EPB41L2: variants seen among roughly 807,000 people sequenced by gnomAD.
EPB41L2 encodes band 4.1-like protein 2.
Under a neutral mutation model 113.0 loss-of-function variants are expected in EPB41L2, and 43 were observed. The observed-to-expected ratio is 0.38, with a 90% CI of 0.30 to 0.49. The LOEUF (loss-of-function observed/expected upper bound fraction) is 0.49, where lower values mean the gene tolerates loss of function less well. Ranked by LOEUF, EPB41L2 falls within the 20% of genes least tolerant of loss-of-function variation. The pLI is 0.95. For missense variants in EPB41L2, 1,147 were observed against 1,223.4 expected (o/e 0.94, Z 0.93); for synonymous variants, 442 against 436.7 (o/e 1.01, Z -0.15).
At chr6:130,886,519 C>G (rs1023919059) in intron 11 of EPB41L2, among the ~76,000 whole-genome samples, 2 of 152,166 alleles carry the variant, frequency 1.3e-5, no homozygotes. Context: ...TGGAGATTTT[C>G]CCAGCCCTTA....
At chr6:130,944,822 AG>A (rs1812243431) in intron 3 of EPB41L2, among the ~76,000 whole-genome samples, 1 of 152,114 alleles carries the variant, frequency 6.6e-6, no homozygotes, top group African/African-American at 2.4e-5. Context: ...TGGAGGAGGG[AG>A]GGGGGCCGAG....
chr6:130,885,321 T>C, intron 11 of EPB41L2, 53 bp from the exon 12 acceptor site: 1 of 1,582,526 alleles, frequency 6.3e-7, no homozygotes, highest in Non-Finnish European at 8.7e-7. Context: ...ATCATAAACT[T>C]TATGGAAAAT....
In EPB41L2 at chr6:130,899,471, C is replaced by T. The variant is rs1317463166; in HGVS notation, c.1236+20G>A. 4 of 1,601,666 alleles carry T rather than the reference C, an allele frequency of 2.5e-6. No homozygotes were observed. The highest frequency in any genetic ancestry group is 1.3e-5 in the African/African-American group (1 of 74,634). On this transcript the variant is annotated intron_variant, in intron 8 of 19. Transcript: ENST00000337057. Reference sequence around the variant, plus strand: ...GTCAACAGACTACTATGATGCTACTCCCCGTTACATTTACAGTACCTTGGC... The same window carrying T: ...GTCAACAGACTACTATGATGCTACTTCCCGTTACATTTACAGTACCTTGGC...
chr6:130,871,598 C>T (rs577579245), intron 14 of EPB41L2, among the ~76,000 whole-genome samples: 238 of 152,288 alleles, frequency 1.6e-3, no homozygotes, highest in African/African-American at 4.0e-3. Flanking sequence ...CTCACAAACT[C>T]TCTTGGACCT....
chr6:130,960,044 A>G (rs940644736), intron 1 of EPB41L2, among the ~76,000 whole-genome samples: 4 of 152,248 alleles, frequency 2.6e-5, no homozygotes, highest in Admixed American at 1.3e-4. Context: ...ACTGTCTGAC[A>G]CAGTGCCCAT....
intron 19 of EPB41L2, among the ~76,000 whole-genome samples, 179 bp downstream of exon 19, chr6:130,857,952 A>G (rs1780799094): frequency 6.6e-6 from 1 of 152,202 alleles, no homozygotes; most frequent in Non-Finnish European, 1.5e-5. Context: ...CCACATGACC[A>G]TCAGTTCACA....
At chr6:131,026,740 C>T (rs1252795527) in intron 1 of EPB41L2, among the ~76,000 whole-genome samples, 1 of 152,126 alleles carries the variant, frequency 6.6e-6, no homozygotes, top group Admixed American at 6.6e-5. Context: ...CATACCACAC[C>T]TTAACAGCTA....
intron 3 of EPB41L2, among the ~76,000 whole-genome samples, chr6:130,936,181 G>A (rs1183653304): frequency 6.6e-6 from 1 of 152,132 alleles, no homozygotes; most frequent in Non-Finnish European, 1.5e-5. Context: ...TAGCTTATGA[G>A]GAAGAATTAT....
intron 1 of EPB41L2, among the ~76,000 whole-genome samples, chr6:131,034,281 T>C (rs1424277415): frequency 6.6e-6 from 1 of 152,052 alleles, no homozygotes; most frequent in African/African-American, 2.4e-5. Context: ...GGGGGGACAG[T>C]ATAATATAAT....
intron 1 of EPB41L2, among the ~76,000 whole-genome samples, chr6:131,037,924 G>A (rs1793689096): frequency 6.6e-6 from 1 of 152,002 alleles, no homozygotes; most frequent in African/African-American, 2.4e-5. Flanking sequence ...TATATTCAAG[G>A]TGGAAAAAAT....
intron 1 of EPB41L2, among the ~76,000 whole-genome samples, chr6:130,995,040 T>C (rs1782751862): frequency 6.6e-6 from 1 of 152,086 alleles, no homozygotes; most frequent in East Asian, 1.9e-4. Context: ...CTCTCTAAAA[T>C]ACATAAAACA....
intron 1 of EPB41L2, among the ~76,000 whole-genome samples, chr6:131,060,696 G>A (rs750986478): frequency 2.6e-5 from 4 of 152,272 alleles, no homozygotes; most frequent in Middle Eastern, 3.4e-3. Flanking sequence ...TCAGTAAATC[G>A]TTAAGAACAG....
At chr6:130,847,796 A>G (rs368903690) in intron 19 of EPB41L2, among the ~76,000 whole-genome samples, 1 of 152,152 alleles carries the variant, frequency 6.6e-6, no homozygotes, top group East Asian at 1.9e-4. Flanking sequence ...CTTCTGGTTC[A>G]CTCTGCTAGG....
At position 130,935,708 on chromosome 6, in the gene EPB41L2, C is replaced by T. The variant is rs1018648128; in HGVS notation, c.706-8999G>A. 1.1e-4 allele frequency among the ~76,000 whole-genome samples: 16 copies of T among 152,232 alleles called. 1 individual carries two copies. Among genetic ancestry groups the T allele is most frequent in the South Asian group, 4.1e-4 (2 of 4,820 alleles). On this transcript the variant is annotated intron_variant, in intron 3 of 19. Transcript: ENST00000337057. Reference sequence around the variant, plus strand: ...TTAATATCTCATTCATAACTACACACGAATTTATTTCTTAGGCAGTTGTAG... The same window carrying T: ...TTAATATCTCATTCATAACTACACATGAATTTATTTCTTAGGCAGTTGTAG...
intron 16 of EPB41L2, among the ~76,000 whole-genome samples, chr6:130,866,589 T>C (rs947366785): frequency 1.3e-5 from 2 of 152,228 alleles, no homozygotes; most frequent in Non-Finnish European, 1.5e-5. Flanking sequence ...AAGGATGCCA[T>C]ATCCAAAATA....
rs537919934 is a variant in EPB41L2, at chr6:130,944,162, T to TACACACACACACACAC, written c.705+10942_705+10943insGTGTGTGTGTGTGTGT. Reference sequence around the variant, plus strand: ...GGTGGATTATATATATATACGTACATACACACACATACACACACACACACA... The same window carrying TACACACACACACACAC: ...GGTGGATTATATATATATACGTACATACACACACACACACACACACACACATACACACACACACACA... On this transcript the variant is annotated intron_variant, in intron 3 of 19. Coordinates refer to ENST00000337057, the MANE Select transcript of EPB41L2 (RefSeq NM_001431.4). Among the ~76,000 whole-genome samples, 307 of 132,968 alleles carry TACACACACACACACAC rather than the reference T, an allele frequency of 2.3e-3. 7 individuals carry two copies. Among genetic ancestry groups the TACACACACACACACAC allele is most frequent in the East Asian group, 9.4e-3 (37 of 3,918 alleles). 87.2% of individuals were successfully genotyped at this position (132,968 alleles called of 152,430 possible). A position where few individuals can be genotyped will look rare whatever the true frequency, so the allele number is the denominator to read the frequency against.
chr6:131,041,015 T>C (rs2128183633), intron 1 of EPB41L2, among the ~76,000 whole-genome samples: 1 of 152,296 alleles, frequency 6.6e-6, no homozygotes, highest in South Asian at 2.1e-4. Flanking sequence ...AGAACTATTT[T>C]AGATTGTAAG....
chr6:131,055,819 T>C (rs1458485101), intron 1 of EPB41L2, among the ~76,000 whole-genome samples: 4 of 152,306 alleles, frequency 2.6e-5, no homozygotes, highest in Non-Finnish European at 5.9e-5. Flanking sequence ...GCACCTGGTG[T>C]GTAGTCTGTG....
intron 5 of EPB41L2, among the ~76,000 whole-genome samples, chr6:130,907,762 C>A (rs534885797): frequency 5.3e-5 from 8 of 152,070 alleles, no homozygotes; most frequent in African/African-American, 1.9e-4. Flanking sequence ...TGTGAAGAAC[C>A]TAAAATGGGA....
Sources: allele counts gnomAD v4.1 joint callset (sites outside exome capture counted in the v4.1 genomes callset), GRCh38; gene constraint gnomAD v4.1.1; transcripts MANE v1.5; gene names NCBI Gene and HGNC (gene_info 2026-07-23, HGNC 2026-07-21).